CNTNAP5: variants seen among roughly 807,000 people sequenced by gnomAD.
The protein encoded by CNTNAP5 is contactin associated protein family member 5.
Under a neutral mutation model 150.2 loss-of-function variants are expected in CNTNAP5, and 72 were observed. That is an observed-to-expected ratio of 0.48 (90% CI 0.40 to 0.58). The LOEUF is 0.58. CNTNAP5 is among the 20% of genes least tolerant of loss of function. The pLI is 0.00. For synonymous variants in CNTNAP5, 672 were observed against 619.8 expected (o/e 1.08, Z -1.25); for missense variants, 1,636 against 1,626.2 (o/e 1.01, Z -0.10).
intron 13 of CNTNAP5, among the ~76,000 whole-genome samples, chr2:124,745,199 G>A (rs1680580026): frequency 6.6e-6 from 1 of 152,156 alleles, no homozygotes; most frequent in Admixed American, 6.5e-5. Flanking sequence ...ACACAAACTG[G>A]CTGTTCAGAG....
chr2:124,771,650 T>A (rs1044975833), intron 16 of CNTNAP5, among the ~76,000 whole-genome samples: 1 of 152,074 alleles, frequency 6.6e-6, no homozygotes, highest in African/African-American at 2.4e-5. Context: ...ATTCTCTCTC[T>A]TAATGGTTAT....
At chr2:124,032,493 G>A (rs1374700531) in intron 1 of CNTNAP5, among the ~76,000 whole-genome samples, 1 of 152,014 alleles carries the variant, frequency 6.6e-6, no homozygotes, top group African/African-American at 2.4e-5. Flanking sequence ...CCAGTTAAGA[G>A]ATGATTACAA....
At chr2:124,121,149 C>CACAT (rs1683551252) in intron 1 of CNTNAP5, among the ~76,000 whole-genome samples, 1 of 151,932 alleles carries the variant, frequency 6.6e-6, no homozygotes, top group Non-Finnish European at 1.5e-5. Context: ...CACACACACA[C>CACAT]ACACACACAC....
chr2:124,579,901 G>A (rs191794091), intron 11 of CNTNAP5, among the ~76,000 whole-genome samples: 10 of 152,346 alleles, frequency 6.6e-5, no homozygotes, highest in Non-Finnish European at 1.3e-4. Flanking sequence ...CTGAGTTCAT[G>A]CACTAGGTTC....
intron 1 of CNTNAP5, among the ~76,000 whole-genome samples, chr2:124,172,416 T>C (rs1478530388): frequency 6.6e-6 from 1 of 152,146 alleles, no homozygotes; most frequent in African/African-American, 2.4e-5. Flanking sequence ...TTTTCTCTTT[T>C]TCTTTCTTTC....
chr2:124,459,540 G>A (rs2104819161), intron 6 of CNTNAP5, among the ~76,000 whole-genome samples: 1 of 152,160 alleles, frequency 6.6e-6, no homozygotes, highest in Admixed American at 6.5e-5. Context: ...CCTGAGGTCA[G>A]GAGTTCGAGA....
At chr2:124,812,922 T>TTA (rs1460193083) in intron 19 of CNTNAP5, among the ~76,000 whole-genome samples, 1 of 152,160 alleles carries the variant, frequency 6.6e-6, no homozygotes, top group African/African-American at 2.4e-5. Context: ...TTCAAATATT[T>TTA]TACAGAGTTT....
intron 11 of CNTNAP5, among the ~76,000 whole-genome samples, chr2:124,605,834 G>GAAAAAAAAAAAAAAAAAAAAAAAAAA (rs1558701516): frequency 4.5e-5 from 3 of 66,782 alleles, no homozygotes; most frequent in African/African-American, 6.7e-5. Flanking sequence ...AAAAAAAAAA[G>GAAAAAAAAAAAAAAAAAAAAAAAAAA]AAGGAAAGAA....
intron 18 of CNTNAP5, among the ~76,000 whole-genome samples, chr2:124,794,252 TC>T (rs1316988690): frequency 6.6e-6 from 1 of 152,186 alleles, no homozygotes; most frequent in Non-Finnish European, 1.5e-5. Context: ...AGGTTCTGGT[TC>T]ATCTACAGTC....
intron 7 of CNTNAP5, among the ~76,000 whole-genome samples, chr2:124,477,971 G>A (rs1374784337): frequency 1.3e-5 from 2 of 151,922 alleles, no homozygotes; most frequent in Non-Finnish European, 2.9e-5. Flanking sequence ...TTCATAAACT[G>A]GGGCTTAAAA....
intron 8 of CNTNAP5, among the ~76,000 whole-genome samples, chr2:124,508,961 AAAT>A (rs1694481669): frequency 1.3e-5 from 2 of 152,220 alleles, no homozygotes; most frequent in South Asian, 4.1e-4. Context: ...AACAATGAAA[AAAT>A]AATGACAATT....
intron 13 of CNTNAP5, among the ~76,000 whole-genome samples, chr2:124,705,682 G>A (rs541404123): frequency 6.6e-6 from 1 of 151,480 alleles, no homozygotes; most frequent in African/African-American, 2.4e-5. Context: ...TAAAACAAAT[G>A]ATTTTTTAAT....
chr2:124,750,193 C>T (rs1024432354), intron 14 of CNTNAP5, among the ~76,000 whole-genome samples: 1 of 152,152 alleles, frequency 6.6e-6, no homozygotes, highest in African/African-American at 2.4e-5. Context: ...TCGCTCAGGG[C>T]ACCAGAATTT....
chr2:124,165,232 A>G (rs1313878111), intron 1 of CNTNAP5, among the ~76,000 whole-genome samples: 1 of 152,144 alleles, frequency 6.6e-6, no homozygotes, highest in Admixed American at 6.5e-5. Context: ...ATCCCAGCTT[A>G]ATTAGTCACT....
chr2:124,149,737 C>A (rs1372198691), intron 1 of CNTNAP5, among the ~76,000 whole-genome samples: 1 of 152,174 alleles, frequency 6.6e-6, no homozygotes, highest in Non-Finnish European at 1.5e-5. Context: ...TCTCCTATGG[C>A]CCTGACTATA....
chr2:124,330,232 C>T, intron 3 of CNTNAP5, among the ~76,000 whole-genome samples: 1 of 152,140 alleles, frequency 6.6e-6, no homozygotes. Flanking sequence ...GCTGTCTACT[C>T]ATATTGGAAG....
intron 17 of CNTNAP5, chr2:124,778,312 A>T (rs1378135753): frequency 6.6e-6 from 1 of 152,266 alleles, no homozygotes; most frequent in Non-Finnish European, 1.5e-5. Context: ...AGAGGAGGTG[A>T]GAAAGCCCTT....
chr2:124,174,613 C>T (rs1016351644), intron 1 of CNTNAP5, among the ~76,000 whole-genome samples: 20 of 152,124 alleles, frequency 1.3e-4, no homozygotes, highest in Admixed American at 1.0e-3. Context: ...AAGTGTGAGA[C>T]GTTGCTACTT....
At chr2:124,232,008 T>G (rs886845810) in intron 2 of CNTNAP5, among the ~76,000 whole-genome samples, 4 of 152,178 alleles carry the variant, frequency 2.6e-5, no homozygotes, top group African/African-American at 7.2e-5. Context: ...CTTTACTTTT[T>G]TTTTTCCTGA....
Sources: gnomAD v4.1 joint callset for allele counts (sites outside exome capture counted in the v4.1 genomes callset) on GRCh38, gnomAD v4.1.1 for gene constraint, MANE v1.5 for transcripts, NCBI Gene and HGNC (gene_info 2026-07-23, HGNC 2026-07-21) for gene names.